LRRTM4: variants seen among roughly 807,000 people sequenced by gnomAD.
LRRTM4 encodes the protein leucine-rich repeat transmembrane neuronal protein 4.
LRRTM4 carries 25 observed loss-of-function variants against 47.6 expected under a neutral mutation model. That is an observed-to-expected ratio of 0.53 (90% CI 0.38 to 0.73). The LOEUF (loss-of-function observed/expected upper bound fraction) is 0.73, where lower values mean the gene tolerates loss of function less well. Among genes scored for constraint, LRRTM4 ranks in the 30% least tolerant of loss-of-function variants. LRRTM4 has a pLI of 0.00. For synonymous variants in LRRTM4, 311 were observed against 269.5 expected (o/e 1.15, Z -1.51); for missense variants, 638 against 713.4 (o/e 0.89, Z 1.20).
chr2:76,882,011 A>C (rs1012696527), intron 3 of LRRTM4, among the ~76,000 whole-genome samples: 1 of 152,172 alleles, frequency 6.6e-6, no homozygotes, highest in South Asian at 2.1e-4. Context: ...TTTTTGATAA[A>C]TATTACTGAT....
chr2:76,877,151 C>A (rs567622390), intron 3 of LRRTM4, among the ~76,000 whole-genome samples: 1 of 152,116 alleles, frequency 6.6e-6, no homozygotes, highest in South Asian at 2.1e-4. Context: ...TTATTTTGAG[C>A]AGTCTCTGTC....
chr2:76,970,829 C>T (rs1676193131), intron 3 of LRRTM4, among the ~76,000 whole-genome samples: 1 of 151,934 alleles, frequency 6.6e-6, no homozygotes. Context: ...GTCATGGTTC[C>T]AGGTTGGAGA....
At chr2:77,423,190 C>T (rs536369801) in intron 3 of LRRTM4, among the ~76,000 whole-genome samples, 2 of 152,202 alleles carry the variant, frequency 1.3e-5, no homozygotes, top group African/African-American at 4.8e-5. Context: ...TCATCGCCTA[C>T]TTACCATTTA....
At chr2:77,434,929 T>C (rs1262896740) in intron 3 of LRRTM4, among the ~76,000 whole-genome samples, 1 of 152,078 alleles carries the variant, frequency 6.6e-6, no homozygotes, top group Non-Finnish European at 1.5e-5. Context: ...GAAGGTTGTG[T>C]TTCCACCTCC....
At chr2:77,047,424 A>G (rs141522398) in intron 3 of LRRTM4, among the ~76,000 whole-genome samples, 4 of 152,150 alleles carry the variant, frequency 2.6e-5, no homozygotes, top group African/African-American at 9.6e-5. Context: ...TAAAACTCTG[A>G]GATCTAGGTT....
intron 3 of LRRTM4, among the ~76,000 whole-genome samples, chr2:77,352,597 T>A (rs1671826567): frequency 6.6e-6 from 1 of 152,094 alleles, no homozygotes; most frequent in Non-Finnish European, 1.5e-5. Flanking sequence ...TTGTCCCTGC[T>A]TGATAGACCT....
intron 3 of LRRTM4, among the ~76,000 whole-genome samples, chr2:77,271,258 A>C (rs1404881118): frequency 2.0e-5 from 3 of 152,174 alleles, no homozygotes; most frequent in Non-Finnish European, 4.4e-5. Context: ...CCTTGTCCTC[A>C]CTGGCAGAGG....
intron 3 of LRRTM4, among the ~76,000 whole-genome samples, chr2:77,233,922 C>T (rs531816616): frequency 4.4e-4 from 67 of 152,190 alleles, no homozygotes; most frequent in African/African-American, 1.6e-3. Context: ...CTCAGCCTCC[C>T]GAGTAGCTGG....
At chr2:76,793,918 T>C (rs1186703159) in intron 3 of LRRTM4, among the ~76,000 whole-genome samples, 2 of 152,170 alleles carry the variant, frequency 1.3e-5, no homozygotes, top group East Asian at 3.9e-4. Flanking sequence ...TAATTGCTTC[T>C]ATGGGACACA....
At chr2:76,950,687 T>C (rs1044155169) in intron 3 of LRRTM4, among the ~76,000 whole-genome samples, 1 of 151,934 alleles carries the variant, frequency 6.6e-6, no homozygotes, top group Non-Finnish European at 1.5e-5. Context: ...TTGGCTAAAT[T>C]AGGGCCCTAT....
chr2:76,983,113 A>G (rs1364105486), intron 3 of LRRTM4, among the ~76,000 whole-genome samples: 2 of 152,050 alleles, frequency 1.3e-5, no homozygotes, highest in African/African-American at 4.8e-5. Context: ...ATCCCAGCAT[A>G]ATGGTAAAAT....
intron 3 of LRRTM4, among the ~76,000 whole-genome samples, chr2:77,002,622 C>T (rs1038767895): frequency 6.6e-6 from 1 of 152,114 alleles, no homozygotes; most frequent in Admixed American, 6.6e-5. Flanking sequence ...ATGTGCCACT[C>T]TTCTGCTTAA....
chr2:77,252,983 C>T (rs1037676599), intron 3 of LRRTM4, among the ~76,000 whole-genome samples: 1 of 151,986 alleles, frequency 6.6e-6, no homozygotes, highest in Non-Finnish European at 1.5e-5. Context: ...TGTAAAATTG[C>T]CTTAAATTTC....
chr2:77,210,753 A>G (rs1442774532), intron 3 of LRRTM4, among the ~76,000 whole-genome samples: 1 of 152,132 alleles, frequency 6.6e-6, no homozygotes, highest in African/African-American at 2.4e-5. Flanking sequence ...GCCTGTTTGA[A>G]GTTCCACCTG....
intron 3 of LRRTM4, among the ~76,000 whole-genome samples, chr2:76,975,070 A>G (rs114249101): frequency 0.018 from 2,678 of 151,850 alleles, 67 homozygotes; most frequent in African/African-American, 0.057. Flanking sequence ...AAAAACAAAC[A>G]AACCAACAAA....
At chr2:76,995,103 G>T (rs879664130) in intron 3 of LRRTM4, among the ~76,000 whole-genome samples, 1 of 151,974 alleles carries the variant, frequency 6.6e-6, no homozygotes. Context: ...TTTAAATTTT[G>T]AAGTGTGCTC....
intron 3 of LRRTM4, among the ~76,000 whole-genome samples, chr2:77,267,114 C>A (rs1676070264): frequency 6.6e-6 from 1 of 152,064 alleles, no homozygotes; most frequent in African/African-American, 2.4e-5. Flanking sequence ...CTTTTTAGTG[C>A]CTCATTTATT....
intron 3 of LRRTM4, among the ~76,000 whole-genome samples, chr2:77,515,872 A>G (rs893142966): frequency 2.6e-5 from 4 of 152,000 alleles, no homozygotes; most frequent in Admixed American, 1.3e-4. Flanking sequence ...TTTCCCTATA[A>G]CAATTTCTAA....
chr2:77,348,944 A>C (rs1353094220), intron 3 of LRRTM4, among the ~76,000 whole-genome samples: 1 of 151,884 alleles, frequency 6.6e-6, no homozygotes, highest in Non-Finnish European at 1.5e-5. Flanking sequence ...TATAATAAAA[A>C]CTCTAAAGAA....
Sources: allele counts gnomAD v4.1 joint callset (sites outside exome capture counted in the v4.1 genomes callset), GRCh38; gene constraint gnomAD v4.1.1; transcripts MANE v1.5; gene names NCBI Gene and HGNC (gene_info 2026-07-23, HGNC 2026-07-21).